Variants in DAB1 observed in about 807,000 individuals in gnomAD.
DAB1 encodes DAB adaptor protein 1.
A neutral mutation model predicts 64.6 loss-of-function variants in DAB1; 15 were observed. The ratio of observed to expected loss-of-function variants is 0.23; its 90% CI spans 0.16 to 0.36. The LOEUF (loss-of-function observed/expected upper bound fraction) is 0.36. Ranked by LOEUF, DAB1 falls within the 10% of genes least tolerant of loss-of-function variation. DAB1 has a pLI of 1.00. For synonymous variants in DAB1, 235 were observed against 251.9 expected (o/e 0.93, Z 0.64); for missense variants, 596 against 706.7 (o/e 0.84, Z 1.78).
intron 6 of DAB1, among the ~76,000 whole-genome samples, chr1:57,767,031 AC>A (rs1429266232): frequency 6.6e-6 from 1 of 152,000 alleles, no homozygotes. Flanking sequence ...CTGAGGCACC[AC>A]CTTTTCAGCC....
chr1:57,628,128 G>T (rs1459902580), intron 7 of DAB1, among the ~76,000 whole-genome samples: 1 of 152,092 alleles, frequency 6.6e-6, no homozygotes, highest in Non-Finnish European at 1.5e-5. Context: ...CTGCCTCGTG[G>T]GTGTGACCTT....
At chr1:57,398,211 A>G (rs1256919442) in intron 1 of DAB1, among the ~76,000 whole-genome samples, 3 of 152,236 alleles carry the variant, frequency 2.0e-5, no homozygotes, top group African/African-American at 7.2e-5. Context: ...TGAAAGAGAT[A>G]CTGTCAGTGT....
chr1:57,610,401 CT>C (rs929967569), intron 7 of DAB1, among the ~76,000 whole-genome samples: 1 of 152,134 alleles, frequency 6.6e-6, no homozygotes, highest in African/African-American at 2.4e-5. Context: ...GATTGTCAGT[CT>C]TGATGTACAG....
intron 6 of DAB1, among the ~76,000 whole-genome samples, chr1:57,759,160 C>T (rs1042044613): frequency 1.3e-5 from 2 of 151,746 alleles, no homozygotes; most frequent in Non-Finnish European, 2.9e-5. Context: ...AAGCAGGTGG[C>T]AGTTTCATCA....
chr1:57,648,948 A>AATAG (rs763679812), intron 7 of DAB1, among the ~76,000 whole-genome samples: 2 of 152,206 alleles, frequency 1.3e-5, no homozygotes, highest in Admixed American at 6.5e-5. Flanking sequence ...GTAAACAAGA[A>AATAG]ATAGATATTG....
chr1:57,923,840 T>G (rs1284733069), intron 5 of DAB1, among the ~76,000 whole-genome samples: 1 of 152,192 alleles, frequency 6.6e-6, no homozygotes, highest in Non-Finnish European at 1.5e-5. Flanking sequence ...ATAATATTAG[T>G]AGAAATGAAG....
At chr1:57,510,353 CT>C (rs1274995987) in intron 7 of DAB1, among the ~76,000 whole-genome samples, 7 of 152,158 alleles carry the variant, frequency 4.6e-5, no homozygotes, top group Non-Finnish European at 8.8e-5. Flanking sequence ...TGGCCTCCAT[CT>C]TACTTCACTG....
At chr1:58,450,062 T>C (rs1189925925) in intron 3 of DAB1, among the ~76,000 whole-genome samples, 4 of 152,132 alleles carry the variant, frequency 2.6e-5, no homozygotes, top group Admixed American at 6.5e-5. Context: ...AAAAAATAAA[T>C]GAGGGGTTTC....
chr1:57,979,359 A>G (rs1646004887), intron 5 of DAB1, among the ~76,000 whole-genome samples: 1 of 152,162 alleles, frequency 6.6e-6, no homozygotes, highest in Non-Finnish European at 1.5e-5. Flanking sequence ...GTGAGAGTTG[A>G]ACAACGAGAA....
intron 1 of DAB1, chr1:58,536,825 C>T (rs1346453854): frequency 1.1e-5 from 8 of 731,554 alleles, no homozygotes; most frequent in Middle Eastern, 2.4e-4. Context: ...TAGAATTTTA[C>T]GTCCTCAAAT....
At chr1:57,656,227 G>GT (rs966170462) in intron 6 of DAB1, among the ~76,000 whole-genome samples, 30 of 152,312 alleles carry the variant, frequency 2.0e-4, no homozygotes, top group African/African-American at 7.2e-4. Flanking sequence ...ACTGTGAGAG[G>GT]TAAGTGCTGT....
chr1:57,901,196 G>C (rs1644468435), intron 5 of DAB1, among the ~76,000 whole-genome samples: 1 of 152,074 alleles, frequency 6.6e-6, no homozygotes, highest in African/African-American at 2.4e-5. Context: ...CTTCCTTCTT[G>C]CTTTTTACAT....
At chr1:57,465,404 C>A (rs917455047) in intron 7 of DAB1, among the ~76,000 whole-genome samples, 1 of 152,208 alleles carries the variant, frequency 6.6e-6, no homozygotes, top group Non-Finnish European at 1.5e-5. Context: ...GTAGCACATA[C>A]AATGTGCCCA....
At chr1:57,208,021 G>A (rs1490839362) in intron 2 of DAB1, among the ~76,000 whole-genome samples, 2 of 152,160 alleles carry the variant, frequency 1.3e-5, no homozygotes, top group Non-Finnish European at 2.9e-5. Context: ...CCTAAAGCAG[G>A]CCCTGAAATA....
intron 5 of DAB1, among the ~76,000 whole-genome samples, chr1:58,023,965 C>T (rs1646850982): frequency 6.6e-6 from 1 of 152,176 alleles, no homozygotes; most frequent in Non-Finnish European, 1.5e-5. Flanking sequence ...AGGTTGTTAT[C>T]TCACAACTGT....
At chr1:57,219,873 C>T (rs1351064507) in intron 2 of DAB1, among the ~76,000 whole-genome samples, 1 of 152,090 alleles carries the variant, frequency 6.6e-6, no homozygotes, top group Non-Finnish European at 1.5e-5. Flanking sequence ...ATTGAGAGAC[C>T]CCTGAGCAGA....
intron 5 of DAB1, among the ~76,000 whole-genome samples, chr1:57,968,444 G>T (rs1344316715): frequency 6.6e-6 from 1 of 152,100 alleles, no homozygotes; most frequent in Non-Finnish European, 1.5e-5. Flanking sequence ...TTGGATAAAA[G>T]ATTCTGCAAG....
chr1:57,203,484 A>T (rs1169454540), intron 2 of DAB1, among the ~76,000 whole-genome samples: 1 of 152,170 alleles, frequency 6.6e-6, no homozygotes, highest in Non-Finnish European at 1.5e-5. Flanking sequence ...CCCACAGACT[A>T]GCTGCCATGA....
intron 2 of DAB1, among the ~76,000 whole-genome samples, chr1:57,250,529 A>G (rs530690252): frequency 7.5e-4 from 114 of 152,192 alleles, no homozygotes; most frequent in Non-Finnish European, 1.5e-3. Context: ...TTCTTTAGAG[A>G]CATTCCTATT....
Sources: gnomAD v4.1 joint callset for allele counts (sites outside exome capture counted in the v4.1 genomes callset) on GRCh38, gnomAD v4.1.1 for gene constraint, MANE v1.5 for transcripts, NCBI Gene and HGNC (gene_info 2026-07-23, HGNC 2026-07-21) for gene names.